Variants in EYS observed in about 807,000 individuals in gnomAD.
EYS encodes the protein EGF-like photoreceptor maintenance factor.
In EYS, 250 loss-of-function variants were observed where a neutral mutation model predicts 282.1. The ratio of observed to expected loss-of-function variants is 0.89; its 90% confidence interval spans 0.80 to 0.98. The LOEUF (loss-of-function observed/expected upper bound fraction) is 0.98. EYS is among the 50% of genes least tolerant of loss of function. The probability of loss-of-function intolerance (pLI) is 0.00; values close to 1 mark genes in which losing one functional copy is unlikely to be tolerated. For missense variants in EYS, 4,016 were observed against 3,709.0 expected, an observed-to-expected ratio of 1.08 and a Z score of -2.15; for synonymous variants, 1,355 against 1,282.9, an observed-to-expected ratio of 1.06 and a Z score of -1.20.
intron 22 of EYS, among the ~76,000 whole-genome samples, chr6:64,712,616 T>A (rs570455833): frequency 3.3e-5 from 5 of 152,342 alleles, no homozygotes; most frequent in African/African-American, 9.6e-5. Context: ...CTGAATATTG[T>A]GTATATTTGT....
intron 31 of EYS, among the ~76,000 whole-genome samples, chr6:64,177,706 C>T (rs531221966): frequency 6.6e-6 from 1 of 152,228 alleles, no homozygotes; most frequent in Admixed American, 6.6e-5. Flanking sequence ...ATGATTCACA[C>T]TTGTTATGTC....
intron 5 of EYS, among the ~76,000 whole-genome samples, chr6:65,426,155 A>T (rs1179902590): frequency 6.6e-6 from 1 of 151,846 alleles, no homozygotes; most frequent in African/African-American, 2.4e-5. Flanking sequence ...TTATTTTTGT[A>T]TTTTTTGGAG....
At chr6:65,347,153 A>C (rs1261918008) in intron 9 of EYS, among the ~76,000 whole-genome samples, 1 of 151,798 alleles carries the variant, frequency 6.6e-6, no homozygotes, top group Non-Finnish European at 1.5e-5. Context: ...AGCAATGGAT[A>C]GTCATTAAAT....
chr6:65,694,581 A>T (rs1008066654), intron 1 of EYS, among the ~76,000 whole-genome samples: 2 of 150,062 alleles, frequency 1.3e-5, no homozygotes, highest in African/African-American at 4.9e-5. Context: ...CAGGTAACTA[A>T]AACTATAAAT....
chr6:64,807,322 CACTG>C (rs151132263), intron 22 of EYS, among the ~76,000 whole-genome samples: 3,776 of 151,970 alleles, frequency 0.025, 149 homozygotes, highest in African/African-American at 0.085. Flanking sequence ...TTGACCTTCC[CACTG>C]ATTGTGACTT....
At chr6:64,786,714 A>G (rs989867633) in intron 22 of EYS, among the ~76,000 whole-genome samples, 1 of 152,200 alleles carries the variant, frequency 6.6e-6, no homozygotes, top group African/African-American at 2.4e-5. Flanking sequence ...TGTAAATCTT[A>G]CACCCTTCTT....
chr6:63,895,777 T>C (rs1405708791), intron 35 of EYS, among the ~76,000 whole-genome samples: 4 of 152,216 alleles, frequency 2.6e-5, no homozygotes, highest in African/African-American at 9.6e-5. Context: ...GCCATGTGTG[T>C]AGTCCTAGTT....
chr6:64,440,511 A>T (rs533898474), intron 26 of EYS, among the ~76,000 whole-genome samples: 1 of 152,066 alleles, frequency 6.6e-6, no homozygotes, highest in Admixed American at 6.6e-5. Flanking sequence ...TGACTTCATT[A>T]GTGAAGGACA....
At chr6:64,932,008 G>C (rs1211458157) in intron 15 of EYS, among the ~76,000 whole-genome samples, 5 of 152,078 alleles carry the variant, frequency 3.3e-5, no homozygotes, top group South Asian at 2.1e-4. Flanking sequence ...AAAGAAACTT[G>C]TACATTGATA....
chr6:65,171,292 TACATAAACTATAGTCATCTACTATGA>T (rs1765100137), intron 12 of EYS, among the ~76,000 whole-genome samples: 1 of 151,562 alleles, frequency 6.6e-6, no homozygotes, highest in Non-Finnish European at 1.5e-5. Context: ...TCCATGAAAA[TACATAAACTATAGTCATCTACTATGA>T]ACAGGTAACA....
chr6:63,890,839 C>T (rs1372220724), intron 35 of EYS, among the ~76,000 whole-genome samples: 1 of 150,134 alleles, frequency 6.7e-6, no homozygotes, highest in Non-Finnish European at 1.5e-5. Context: ...CAAAATAGAA[C>T]ACAAGCCAGA....
rs150754757 is a variant in EYS, at chr6:63,765,429, T to C, written c.7899-2796A>G. 4.2e-3 allele frequency among the ~76,000 whole-genome samples: 641 copies of C among 151,872 alleles called. 7 individuals are homozygous for C. Among genetic ancestry groups the C allele is most frequent in the African/African-American group, 0.015 (616 of 41,442 alleles). The stretch of plus-strand genomic sequence containing the variant: ...AGTGAGATTTGCCCGTATAAATGTA[T>C]GCACTGAAAGGAGGTGTCAAAGGAC... On this transcript the variant is annotated intron_variant, in intron 40 of 42. Coordinates refer to ENST00000503581, the MANE Select transcript of EYS (RefSeq NM_001142800.2).
At chr6:65,490,292 G>C (rs551741585) in intron 5 of EYS, 1 of 218,062 alleles carries the variant, frequency 4.6e-6, no homozygotes, top group South Asian at 1.1e-4. Flanking sequence ...ATAAACACAT[G>C]AACAATTTCA....
chr6:65,026,747 C>A (rs1772421469), intron 13 of EYS, among the ~76,000 whole-genome samples: 1 of 152,000 alleles, frequency 6.6e-6, no homozygotes, highest in Non-Finnish European at 1.5e-5. Flanking sequence ...GAAACCCTGT[C>A]TCTACTAAAA....
intron 19 of EYS, among the ~76,000 whole-genome samples, chr6:64,867,864 A>G (rs1766471662): frequency 6.6e-6 from 1 of 151,604 alleles, no homozygotes; most frequent in Admixed American, 6.6e-5. Flanking sequence ...CTGGTCTTTT[A>G]TCTTCAATCA....
At chr6:64,446,987 G>C (rs905667426) in intron 26 of EYS, among the ~76,000 whole-genome samples, 2 of 69,844 alleles carry the variant, frequency 2.9e-5, no homozygotes, top group Non-Finnish European at 3.4e-5. Context: ...GTGTGTGTGT[G>C]GGGGGGGGGT....
intron 22 of EYS, among the ~76,000 whole-genome samples, chr6:64,629,609 A>G (rs1271220025): frequency 6.6e-6 from 1 of 152,196 alleles, no homozygotes; most frequent in East Asian, 1.9e-4. Context: ...ATTTATACCT[A>G]AATGCTTCAT....
Position 63,791,901 on chromosome 6 carries a change from C to T in EYS, c.7412-2677G>A, listed in dbSNP as rs565848960. Among the ~76,000 whole-genome samples the T allele has an allele frequency of 1.2e-4, 18 of 151,956 alleles. No individual in the cohort carries two copies. In the East Asian group the frequency reaches 3.5e-3, roughly 30 times the overall value. ...AAATGATACTGAAATACATTAAACA[C>T]CTAAATAAATTAAGGTAGTGACAGA... On this transcript the variant is annotated intron_variant, in intron 37 of 42. Coordinates refer to ENST00000503581, the MANE Select transcript of EYS (RefSeq NM_001142800.2).
At chr6:65,679,384 C>G (rs967238705) in intron 1 of EYS, among the ~76,000 whole-genome samples, 22 of 151,964 alleles carry the variant, frequency 1.4e-4, no homozygotes, top group Admixed American at 5.3e-4. Context: ...GTCCTGTCAT[C>G]TGTAACAACA....
Sources: gnomAD v4.1 joint callset for allele counts (sites outside exome capture counted in the v4.1 genomes callset) on GRCh38, gnomAD v4.1.1 for gene constraint, MANE v1.5 for transcripts, NCBI Gene and HGNC (gene_info 2026-07-23, HGNC 2026-07-21) for gene names.